The following ADAMTS6 variants were observed in gnomAD, a reference collection of about 807,000 sequenced individuals.
ADAMTS6 encodes A disintegrin and metalloproteinase with thrombospondin motifs 6.
A neutral mutation model predicts 144.3 loss-of-function variants in ADAMTS6; 23 were observed. That is an observed-to-expected ratio of 0.16 (90% CI 0.11 to 0.23). The LOEUF is 0.23. ADAMTS6 is among the 10% of genes least tolerant of loss of function. The probability of loss-of-function intolerance (pLI) is 1.00; values close to 1 mark genes in which losing one functional copy is unlikely to be tolerated. For missense variants in ADAMTS6, 999 were observed against 1,379.6 expected, an observed-to-expected ratio of 0.72 and a Z score of 4.37; for synonymous variants, 444 against 457.5, an observed-to-expected ratio of 0.97 and a Z score of 0.38.
chr5:65,158,231 G>A (rs1475677604), intron 24 of ADAMTS6, among the ~76,000 whole-genome samples: 1 of 152,148 alleles, frequency 6.6e-6, no homozygotes, highest in Non-Finnish European at 1.5e-5. Context: ...TAATACATCA[G>A]GTTCCACATT....
At chr5:65,433,773 G>A (rs765028004) in intron 7 of ADAMTS6, among the ~76,000 whole-genome samples, 64 of 152,310 alleles carry the variant, frequency 4.2e-4, no homozygotes, top group Non-Finnish European at 8.1e-4. Flanking sequence ...GACACAGAGA[G>A]ATTGCTGGTG....
intron 9 of ADAMTS6, among the ~76,000 whole-genome samples, chr5:65,314,584 T>C (rs576866067): frequency 6.6e-6 from 1 of 152,252 alleles, no homozygotes; most frequent in African/African-American, 2.4e-5. Context: ...CCAAAAAATC[T>C]GCATGTATGC....
chr5:65,219,847 C>T (rs1314789253), intron 18 of ADAMTS6, among the ~76,000 whole-genome samples: 1 of 152,200 alleles, frequency 6.6e-6, no homozygotes, highest in African/African-American at 2.4e-5. Flanking sequence ...ATCTTACAAA[C>T]TATTGGGTTG....
intron 8 of ADAMTS6, among the ~76,000 whole-genome samples, chr5:65,333,361 T>G (rs1580420958): frequency 6.6e-6 from 1 of 152,128 alleles, no homozygotes; most frequent in Non-Finnish European, 1.5e-5. Context: ...GTGTAATTTT[T>G]AAAATTCTAG....
intron 7 of ADAMTS6, among the ~76,000 whole-genome samples, chr5:65,417,651 A>G (rs911048598): frequency 2.6e-5 from 4 of 152,206 alleles, no homozygotes; most frequent in Non-Finnish European, 4.4e-5. Context: ...CAAAAATAAA[A>G]TACCTAGGAA....
At chr5:65,220,925 A>T (rs1020956341) in intron 18 of ADAMTS6, among the ~76,000 whole-genome samples, 3 of 152,216 alleles carry the variant, frequency 2.0e-5, no homozygotes, top group Admixed American at 6.5e-5. Context: ...ATTGTTACAG[A>T]TCCTACAGAT....
At chr5:65,221,198 G>A (rs1757301730) in intron 18 of ADAMTS6, among the ~76,000 whole-genome samples, 1 of 152,124 alleles carries the variant, frequency 6.6e-6, no homozygotes, top group Admixed American at 6.5e-5. Flanking sequence ...TCACAAGAAA[G>A]ACTCTAGAAA....
intron 15 of ADAMTS6, among the ~76,000 whole-genome samples, chr5:65,236,666 AC>A (rs1447933918): frequency 6.6e-6 from 1 of 152,242 alleles, no homozygotes; most frequent in Non-Finnish European, 1.5e-5. Flanking sequence ...GGAAATTAAA[AC>A]AAAACAGTTC....
chr5:65,357,419 T>G (rs1233248575), intron 7 of ADAMTS6, among the ~76,000 whole-genome samples: 2 of 148,708 alleles, frequency 1.3e-5, no homozygotes, highest in Non-Finnish European at 3.0e-5. Context: ...TAAAGAAAAA[T>G]GTCAATAAAA....
At chr5:65,161,790 A>G (rs1177917189) in intron 24 of ADAMTS6, among the ~76,000 whole-genome samples, 1 of 152,232 alleles carries the variant, frequency 6.6e-6, no homozygotes, top group African/African-American at 2.4e-5. Flanking sequence ...AATTAAAGGG[A>G]ACACAAAACA....
intron 7 of ADAMTS6, among the ~76,000 whole-genome samples, chr5:65,446,751 G>C (rs1758295930): frequency 1.3e-5 from 2 of 152,154 alleles, no homozygotes; most frequent in African/African-American, 4.8e-5. Flanking sequence ...GTCTAGAGTA[G>C]GTAAATCTAT....
intron 15 of ADAMTS6, among the ~76,000 whole-genome samples, chr5:65,240,063 C>A (rs1209515653): frequency 1.3e-5 from 2 of 152,136 alleles, no homozygotes; most frequent in African/African-American, 4.8e-5. Context: ...ATGTTCATAG[C>A]AGTTTACTCA....
intron 7 of ADAMTS6, among the ~76,000 whole-genome samples, chr5:65,374,068 C>A (rs1485978458): frequency 6.6e-6 from 1 of 152,178 alleles, no homozygotes; most frequent in Non-Finnish European, 1.5e-5. Flanking sequence ...ACCCTTCATG[C>A]TAAAAAGTCT....
At chr5:65,229,398 G>T (rs1373485822) in intron 15 of ADAMTS6, among the ~76,000 whole-genome samples, 2 of 151,986 alleles carry the variant, frequency 1.3e-5, no homozygotes. Context: ...GAAACCAGAA[G>T]AAAAATCAAG....
chr5:65,283,054 T>C (rs1403282966), intron 11 of ADAMTS6, among the ~76,000 whole-genome samples: 1 of 152,090 alleles, frequency 6.6e-6, no homozygotes, highest in Non-Finnish European at 1.5e-5. Context: ...ATCCTCTTTG[T>C]CCACATTAGC....
chr5:65,444,604 A>C (rs1378460958), intron 7 of ADAMTS6, among the ~76,000 whole-genome samples: 1 of 152,136 alleles, frequency 6.6e-6, no homozygotes, highest in Non-Finnish European at 1.5e-5. Context: ...AAATGGAGAG[A>C]TAGACTTTGT....
At chr5:65,403,207 GCT>G (rs1347962603) in intron 7 of ADAMTS6, among the ~76,000 whole-genome samples, 2 of 151,980 alleles carry the variant, frequency 1.3e-5, no homozygotes, top group African/African-American at 4.8e-5. Flanking sequence ...CTAACTAGCT[GCT>G]TTTTCTGTCT....
intron 11 of ADAMTS6, among the ~76,000 whole-genome samples, chr5:65,288,065 T>C (rs1306888500): frequency 6.6e-6 from 1 of 152,202 alleles, no homozygotes; most frequent in Non-Finnish European, 1.5e-5. Context: ...AGAATAATAG[T>C]GAAAAATGTT....
At chr5:65,428,512 G>A (rs1756742711) in intron 7 of ADAMTS6, among the ~76,000 whole-genome samples, 2 of 152,078 alleles carry the variant, frequency 1.3e-5, no homozygotes, top group Admixed American at 1.3e-4. Context: ...ACATGCTGAA[G>A]GATCAGATTT....
Sources: gnomAD v4.1 joint callset for allele counts (sites outside exome capture counted in the v4.1 genomes callset) on GRCh38, gnomAD v4.1.1 for gene constraint, MANE v1.5 for transcripts, NCBI Gene and HGNC (gene_info 2026-07-23, HGNC 2026-07-21) for gene names.